DPP3: variants seen among roughly 807,000 people sequenced by gnomAD.
The protein encoded by DPP3 is dipeptidyl peptidase 3.
In DPP3, 64 loss-of-function variants were observed where a neutral mutation model predicts 89.8. The ratio of observed to expected loss-of-function variants is 0.71; its 90% CI spans 0.58 to 0.88. The LOEUF (loss-of-function observed/expected upper bound fraction) is 0.88, where lower values mean the gene tolerates loss of function less well. DPP3 is among the 40% of genes least tolerant of loss of function. DPP3 has a pLI of 0.00. For synonymous variants in DPP3, 377 were observed against 404.3 expected (o/e 0.93, Z 0.81); for missense variants, 835 against 972.5 (o/e 0.86, Z 1.88).
intron 10 of DPP3, 34 bp downstream of exon 10, chr11:66,492,944 A>AGTCCTTTAG: frequency 6.3e-7 from 1 of 1,597,944 alleles, no homozygotes; most frequent in East Asian, 2.2e-5. Context: ...CGAGCCCCAG[A>AGTCCTTTAG]AACCTTCCTT....
In DPP3 at chr11:66,480,478, G is replaced by A; in HGVS notation, c.-9+13G>A. 1 of 1,485,088 alleles carries A rather than the reference G, an allele frequency of 6.7e-7. No homozygotes were observed. 92.0% of individuals were successfully genotyped at this position (1,485,088 alleles called of 1,614,324 possible). On this transcript the variant is annotated intron_variant, in intron 1 of 17. Transcript: ENST00000531863. ...GCAGCTGCTGCAGGTGAGGCGCGGC[G>A]CCTGGGCTTTTGGGGTCAAAGCGTG...
intron 6 of DPP3, among the ~76,000 whole-genome samples, chr11:66,488,597 T>A (rs1855298623): frequency 6.7e-6 from 1 of 150,356 alleles, no homozygotes; most frequent in Admixed American, 6.6e-5. Context: ...GGCTGGCCCT[T>A]CCCAAACCAC....
chr11:66,483,578 A>G (rs1855145249), intron 2 of DPP3, among the ~76,000 whole-genome samples: 1 of 152,056 alleles, frequency 6.6e-6, no homozygotes, highest in Non-Finnish European at 1.5e-5. Flanking sequence ...TTTAATCTTC[A>G]TTACTGGACA....
chr11:66,505,344 T>C (rs1381427664), intron 17 of DPP3, among the ~76,000 whole-genome samples: 1 of 152,226 alleles, frequency 6.6e-6, no homozygotes, highest in Admixed American at 6.5e-5. Context: ...GACTCATCTT[T>C]CCTGCTACTT....
chr11:66,492,667 G>A, intron 9 of DPP3, 49 bp from the exon 10 acceptor site: 1 of 1,528,704 alleles, frequency 6.5e-7, no homozygotes, highest in South Asian at 1.3e-5. Context: ...GGTGAAGTGG[G>A]AGCCCTCCTG....
chr11:66,495,926 T>C (rs1855525232), intron 15 of DPP3, among the ~76,000 whole-genome samples, 176 bp downstream of exon 15: 1 of 152,160 alleles, frequency 6.6e-6, no homozygotes, highest in African/African-American at 2.4e-5. Context: ...TTCCTCTCTG[T>C]GAAATGGGAG....
intron 9 of DPP3, 180 bp from the exon 10 acceptor site, chr11:66,492,536 A>T (rs1181342833): frequency 1.8e-5 from 12 of 657,054 alleles, no homozygotes; most frequent in Non-Finnish European, 2.9e-5. Context: ...GTGCAGCTGC[A>T]TCTTTCCTGT....
intron 6 of DPP3, among the ~76,000 whole-genome samples, chr11:66,490,509 C>A (rs761773296): frequency 3.9e-5 from 6 of 152,272 alleles, no homozygotes; most frequent in Non-Finnish European, 8.8e-5. Context: ...CACAGCTCCT[C>A]CTCCCAGTCA....
intron 16 of DPP3, among the ~76,000 whole-genome samples, chr11:66,503,314 A>G (rs1325462104): frequency 6.6e-6 from 1 of 152,204 alleles, no homozygotes; most frequent in Non-Finnish European, 1.5e-5. Flanking sequence ...TGCCTTGTCT[A>G]CATGTCAAAT....
chr11:66,491,128 T>C (rs920311616), intron 6 of DPP3, 125 bp from the exon 7 acceptor site: 8 of 1,428,352 alleles, frequency 5.6e-6, no homozygotes, highest in Admixed American at 2.2e-5. Flanking sequence ...CAGGGAGCCA[T>C]TGAAAATCTT....
At chr11:66,508,180 C>A (rs975507091) in intron 17 of DPP3, among the ~76,000 whole-genome samples, 3 of 152,182 alleles carry the variant, frequency 2.0e-5, no homozygotes, top group Non-Finnish European at 4.4e-5. Context: ...TCATGGAACA[C>A]GACAAGGTGC....
At chr11:66,492,670 C>T (rs767028658) in intron 9 of DPP3, 46 bp from the exon 10 acceptor site, 8 of 1,528,804 alleles carry the variant, frequency 5.2e-6, no homozygotes, top group Non-Finnish European at 6.1e-6. Context: ...GAAGTGGGAG[C>T]CCTCCTGGAA....
Position 66,482,414 on chromosome 11 carries a change from C to A in DPP3, c.214C>A (p.Pro72Thr), listed in dbSNP as rs1386998774. 1.9e-6 allele frequency: 3 copies of A among 1,609,986 alleles called. No homozygotes were observed. Among genetic ancestry groups the A allele is most frequent in the East Asian group, 4.5e-5 (2 of 44,882 alleles). The change falls in exon 2 of 18, where the codon CCC becomes ACC. Residue 72 changes from proline (P) to threonine (T), a missense_variant. Transcript: ENST00000531863. ...CAGCCGCCTCTTCCGCGCCCAGGAC[C>A]CCGACCAGCTGCGCCAACATGCCCT... Reference protein sequence around the residue: ...LLSRLFRAQDPDQLRQHALAE... With the variant: ...LLSRLFRAQDTDQLRQHALAE...
Position 66,495,200 on chromosome 11 carries a change from C to T in DPP3, c.1390-6C>T. The T allele has an allele frequency of 6.2e-7, 1 of 1,612,230 alleles. No homozygotes were observed. Among genetic ancestry groups the T allele is most frequent in the Non-Finnish European group, 8.5e-7 (1 of 1,179,996 alleles). On this transcript the variant is annotated splice_polypyrimidine_tract_variant and splice_region_variant and intron_variant, in intron 12 of 17. Coordinates refer to ENST00000531863, the MANE Select transcript of DPP3 (RefSeq NM_130443.4). ...GCCTTTCCCTCACCCACCGTGTGTT[C>T]TGCAGGACGAAAAAGGAGCATTCAA...
Position 66,495,449 on chromosome 11 carries a change from A to G in DPP3, c.1537A>G (p.Ser513Gly). 6.2e-7 allele frequency: 1 copy of G among 1,612,294 alleles called. No homozygotes were observed. The highest frequency in any genetic ancestry group is 8.5e-7 in the Non-Finnish European group (1 of 1,179,218). Reference sequence around the variant, plus strand: ...CAGCTACGAAGAGTGCCGGGCTGAGAGCGTGGGTCTCTACCTCTGTCTCCA... The same window carrying G: ...CAGCTACGAAGAGTGCCGGGCTGAGGGCGTGGGTCTCTACCTCTGTCTCCA... ...ASSYEECRAE[S>G]VGLYLCLHPQ... is the part of the protein sequence containing the mutation. Residue 513 changes from serine to glycine, a missense_variant, in exon 14 of 18, where the codon AGC becomes GGC. Physicochemically the swap from Ser to Gly is moderately conservative, Grantham distance 56. Coordinates refer to ENST00000531863, the MANE Select transcript of DPP3 (RefSeq NM_130443.4).
chr11:66,484,193 G>A (rs908411773), intron 2 of DPP3, among the ~76,000 whole-genome samples: 1 of 152,108 alleles, frequency 6.6e-6, no homozygotes, highest in Non-Finnish European at 1.5e-5. Context: ...GGCCAGGATG[G>A]TCTCAATCTC....
At chr11:66,495,519 G>A (rs1206052288) in intron 14 of DPP3, 30 bp downstream of exon 14, 1 of 1,609,492 alleles carries the variant, frequency 6.2e-7, no homozygotes, top group Non-Finnish European at 8.5e-7. Context: ...GGGGCGGGCT[G>A]TCCCGCTGCA....
chr11:66,491,333 G>A lies in DPP3; in HGVS notation c.748G>A (p.Asp250Asn), dbSNP rs760832117. Residue 250 changes from aspartate to asparagine, a missense_variant, in exon 7 of 18, where the codon GAC becomes AAC. Asp to Asn is a conservative substitution (Grantham distance 23). Transcript: ENST00000531863. ...RGSPFQVTRG[D>N]YAPILQKVVE... ...AAGCCCTTTCCAGGTGACCCGGGGG[G>A]ACTACGCGCCCATCCTCCAGAAGGT... 3.7e-6 allele frequency: 6 copies of A among 1,614,002 alleles called. No individual in the cohort carries two copies. Among genetic ancestry groups the A allele is most frequent in the African/African-American group, 1.3e-5 (1 of 75,032 alleles).
At position 66,493,067 on chromosome 11, in the gene DPP3, A is replaced by G; in HGVS notation, c.1184A>G (p.Tyr395Cys). The G allele has an allele frequency of 1.2e-6, 2 of 1,614,040 alleles. No individual in the cohort carries two copies. Among genetic ancestry groups the G allele is most frequent in the Non-Finnish European group, 1.7e-6 (2 of 1,179,994 alleles). The change falls in exon 11 of 18, where the codon TAC (tyrosine) becomes TGC (cysteine). Residue 395 changes from tyrosine (Y) to cysteine (C), a missense_variant and splice_region_variant. Transcript: ENST00000531863. The part of the protein sequence containing the change: ...GIPAGINIPN[Y>C]DDLRQTEGFK... ...TCTGGTCCTTCTCCACCTTCTCCAGACGATGATCTGAGGCAGACGGAAGGC... is the reference window on the plus strand; with the variant it reads ...TCTGGTCCTTCTCCACCTTCTCCAGGCGATGATCTGAGGCAGACGGAAGGC...
Sources: allele counts gnomAD v4.1 joint callset (sites outside exome capture counted in the v4.1 genomes callset), GRCh38; gene constraint gnomAD v4.1.1; transcripts MANE v1.5; gene names NCBI Gene and HGNC (gene_info 2026-07-23, HGNC 2026-07-21).